The following TBL1XR1 variants were observed in gnomAD, a reference collection of about 807,000 sequenced individuals.
TBL1XR1 encodes the protein F-box-like/WD repeat-containing protein TBL1XR1.
A neutral mutation model predicts 66.9 loss-of-function variants in TBL1XR1; 5 were observed. The observed-to-expected ratio is 0.07, with a 90% CI of 0.04 to 0.16. The LOEUF (loss-of-function observed/expected upper bound fraction) is 0.16. Among genes scored for constraint, TBL1XR1 ranks in the 10% least tolerant of loss-of-function variants. The probability of loss-of-function intolerance (pLI) is 1.00; values close to 1 mark genes in which losing one functional copy is unlikely to be tolerated. For missense variants in TBL1XR1, 238 were observed against 623.2 expected, an observed-to-expected ratio of 0.38 and a Z score of 6.58; for synonymous variants, 210 against 206.0, an observed-to-expected ratio of 1.02 and a Z score of -0.17.
intron 1 of TBL1XR1, among the ~76,000 whole-genome samples, chr3:177,191,485 A>G (rs1736132198): frequency 6.6e-6 from 1 of 152,228 alleles, no homozygotes; most frequent in South Asian, 2.1e-4. Context: ...TGTTAAATTC[A>G]GGCATCAGCA....
chr3:177,081,526 A>C (rs1412228355), intron 2 of TBL1XR1, among the ~76,000 whole-genome samples: 1 of 147,324 alleles, frequency 6.8e-6, no homozygotes, highest in Non-Finnish European at 1.5e-5. Context: ...GAGAGAGAAG[A>C]ATCATTTGAG....
intron 1 of TBL1XR1, among the ~76,000 whole-genome samples, chr3:177,179,464 G>A (rs114909852): frequency 0.022 from 3,423 of 152,182 alleles, 139 homozygotes; most frequent in African/African-American, 0.079. Context: ...TTTAACTTAC[G>A]GTATCTGTTT....
At chr3:177,053,970 T>TA in intron 3 of TBL1XR1, 52 bp from the exon 4 acceptor site, 1 of 1,531,980 alleles carries the variant, frequency 6.5e-7, no homozygotes, top group South Asian at 1.2e-5. Context: ...GGCAACATGC[T>TA]AAATGACACA....
intron 1 of TBL1XR1, among the ~76,000 whole-genome samples, chr3:177,104,126 A>AG (rs1233052517): frequency 9.5e-6 from 1 of 105,424 alleles, no homozygotes; most frequent in East Asian, 3.3e-4. Context: ...CAAAAAAAAA[A>AG]AAAAGAGAGA....
chr3:177,050,238 C>G, intron 6 of TBL1XR1, 100 bp from the exon 7 acceptor site: 1 of 1,417,802 alleles, frequency 7.1e-7, no homozygotes, highest in South Asian at 1.4e-5. Flanking sequence ...CAAATAAAAA[C>G]GACTATCACG....
intron 9 of TBL1XR1, among the ~76,000 whole-genome samples, chr3:177,046,943 CAGG>C (rs1398199612): frequency 6.6e-6 from 1 of 152,058 alleles, no homozygotes; most frequent in Admixed American, 6.6e-5. Context: ...AATTAAGTAC[CAGG>C]AGTTCGGCTA....
chr3:177,037,965 A>G (rs1248420238), intron 12 of TBL1XR1, 133 bp downstream of exon 12: 1 of 676,196 alleles, frequency 1.5e-6, no homozygotes, highest in Non-Finnish European at 2.5e-6. Context: ...ATGGTTAGCC[A>G]TTTAAAATGT....
chr3:177,038,551 C>T, intron 10 of TBL1XR1, 117 bp from the exon 11 acceptor site: 1 of 988,706 alleles, frequency 1.0e-6, no homozygotes, highest in Non-Finnish European at 1.4e-6. Context: ...AAACATTTTA[C>T]TTTATACTTT....
chr3:177,135,340 T>TAC (rs1553852741), intron 1 of TBL1XR1, among the ~76,000 whole-genome samples: 4 of 11,258 alleles, frequency 3.6e-4, no homozygotes, highest in Non-Finnish European at 6.3e-4. Flanking sequence ...TGTGTATACA[T>TAC]ATATATATAT....
upstream of TBL1XR1, among the ~76,000 whole-genome samples, chr3:177,200,406 T>C (rs1195013667): frequency 6.6e-6 from 1 of 152,210 alleles, no homozygotes; most frequent in Non-Finnish European, 1.5e-5. Context: ...GGAAACTATC[T>C]GAAACAACAG....
intron 2 of TBL1XR1, among the ~76,000 whole-genome samples, chr3:177,095,187 T>C (rs1451749483): frequency 6.6e-6 from 1 of 151,618 alleles, no homozygotes; most frequent in African/African-American, 2.4e-5. Flanking sequence ...AAATAAAAGG[T>C]TGTTGCCAGA....
intron 1 of TBL1XR1, among the ~76,000 whole-genome samples, chr3:177,122,274 T>C (rs1337287333): frequency 8.8e-6 from 1 of 113,328 alleles, no homozygotes; most frequent in Non-Finnish European, 1.8e-5. Context: ...AATACATAAC[T>C]TATATAAGAC....
intron 4 of TBL1XR1, 106 bp downstream of exon 4, chr3:177,053,667 A>T: frequency 8.8e-7 from 1 of 1,138,944 alleles, no homozygotes; most frequent in Non-Finnish European, 1.3e-6. Flanking sequence ...CACTTTTGTT[A>T]ACCCTGTGAA....
At chr3:177,071,724 G>A (rs1040156177) in intron 2 of TBL1XR1, among the ~76,000 whole-genome samples, 70 of 152,168 alleles carry the variant, frequency 4.6e-4, no homozygotes, top group African/African-American at 1.6e-3. Flanking sequence ...ACATACAGAT[G>A]TGCACTCACA....
At position 177,197,369 on chromosome 3, in the gene TBL1XR1, G is replaced by T; in HGVS notation, c.-370C>A. On this transcript the variant is annotated 5_prime_UTR_variant, in exon 1 of 16. Coordinates refer to ENST00000457928, the MANE Select transcript of TBL1XR1 (RefSeq NM_024665.7). ...GCTCCCGCCGCGGGGGGAGGGGCGG[G>T]GGCGCACGCGGCCGGCGGCGGGGGG... 6.8e-6 allele frequency: 1 copy of T among 146,758 alleles called. No individual in the cohort carries two copies. The highest frequency in any genetic ancestry group is 1.8e-4 in the South Asian group (1 of 5,474). 9.1% of individuals were successfully genotyped at this position (146,758 alleles called of 1,614,324 possible).
intron 1 of TBL1XR1, among the ~76,000 whole-genome samples, chr3:177,190,133 CAAAAAAA>C (rs548783302): frequency 5.8e-5 from 4 of 69,408 alleles, no homozygotes; most frequent in East Asian, 6.3e-4. Context: ...AACTCCATCT[CAAAAAAA>C]AAAAAAAAAA....
At chr3:177,165,188 A>G (rs370947994) in intron 1 of TBL1XR1, among the ~76,000 whole-genome samples, 39 of 152,368 alleles carry the variant, frequency 2.6e-4, no homozygotes, top group African/African-American at 9.1e-4. Context: ...GGAACTAATA[A>G]GCAATTACAG....
intron 10 of TBL1XR1, among the ~76,000 whole-genome samples, chr3:177,044,274 T>C (rs375090179): frequency 1.3e-5 from 2 of 152,192 alleles, no homozygotes; most frequent in Admixed American, 6.5e-5. Flanking sequence ...CTTTGAACAA[T>C]GTGAGGGTTA....
intron 1 of TBL1XR1, among the ~76,000 whole-genome samples, chr3:177,183,009 C>T (rs948911822): frequency 6.6e-6 from 1 of 152,224 alleles, no homozygotes; most frequent in East Asian, 1.9e-4. Flanking sequence ...AATCAAAATT[C>T]CTTATCATTT....
Sources: gnomAD v4.1 joint callset for allele counts (sites outside exome capture counted in the v4.1 genomes callset) on GRCh38, gnomAD v4.1.1 for gene constraint, MANE v1.5 for transcripts, NCBI Gene and HGNC (gene_info 2026-07-23, HGNC 2026-07-21) for gene names.